The following WDR37 variants were observed in gnomAD, a reference collection of about 807,000 sequenced individuals.
WDR37 encodes WD repeat domain 37.
In WDR37, 19 loss-of-function variants were observed where a neutral mutation model predicts 62.9. That is an observed-to-expected ratio of 0.30 (90% CI 0.21 to 0.44). The LOEUF is 0.44. Ranked by LOEUF, WDR37 falls within the 20% of genes least tolerant of loss-of-function variation. WDR37 has a pLI of 1.00. For synonymous variants in WDR37, 250 were observed against 260.9 expected (o/e 0.96, Z 0.40); for missense variants, 474 against 657.6 (o/e 0.72, Z 3.05).
intron 6 of WDR37, among the ~76,000 whole-genome samples, chr10:1,085,237 G>T (rs59784176): frequency 0.09 from 13,621 of 152,082 alleles, 1,214 homozygotes; most frequent in African/African-American, 0.24. Context: ...CTCCCAAAGT[G>T]TTGGGATTAC....
chr10:1,100,083 A>G (rs1393899493), intron 9 of WDR37, among the ~76,000 whole-genome samples: 1 of 152,278 alleles, frequency 6.6e-6, no homozygotes, highest in Non-Finnish European at 1.5e-5. Context: ...GGGAAGATTC[A>G]TGTCCAGTAC....
intron 9 of WDR37, among the ~76,000 whole-genome samples, chr10:1,097,865 C>G (rs1834642641): frequency 6.6e-6 from 1 of 152,280 alleles, no homozygotes; most frequent in East Asian, 1.9e-4. Context: ...GAACATGTAA[C>G]TTGTTTGGGT....
intron 3 of WDR37, 52 bp from the exon 4 acceptor site, chr10:1,079,959 C>A: frequency 6.6e-7 from 1 of 1,525,768 alleles, no homozygotes; most frequent in Non-Finnish European, 9.0e-7. Flanking sequence ...GTGGTGAGTA[C>A]ACTTAAACAT....
At chr10:1,057,793 C>T (rs939159434) in intron 1 of WDR37, among the ~76,000 whole-genome samples, 1 of 152,142 alleles carries the variant, frequency 6.6e-6, no homozygotes, top group Non-Finnish European at 1.5e-5. Context: ...GAAGCGGATA[C>T]CATTATAGAA....
At chr10:1,060,794 C>G (rs1023501731) in intron 1 of WDR37, among the ~76,000 whole-genome samples, 1 of 152,192 alleles carries the variant, frequency 6.6e-6, no homozygotes, top group African/African-American at 2.4e-5. Flanking sequence ...TTGTAATACT[C>G]TATTTTTACT....
Position 1,105,135 on chromosome 10 carries a change from A to G in WDR37, c.971A>G (p.Gln324Arg). The stretch of plus-strand genomic sequence containing the variant: ...GCCATCTTGGTTACAGGGCACGACC[A>G]GGAGTTGACGCACTGCTGCACACAC... ...ELVHSLTGHD[Q>R]ELTHCCTHPT... is the part of the protein sequence containing the mutation. The change falls in exon 11 of 14, where the codon CAG becomes CGG. Residue 324 changes from glutamine (Q) to arginine (R), a missense_variant. Gln to Arg is a conservative substitution (Grantham distance 43). Coordinates refer to ENST00000263150, the MANE Select transcript of WDR37 (RefSeq NM_014023.4). The surrounding 1 kb of genome is among the most constrained non-coding windows in gnomAD (Gnocchi z 5.3). The G allele has an allele frequency of 2.5e-6, 4 of 1,614,058 alleles. No individual in the cohort carries two copies. The highest frequency in any genetic ancestry group is 3.4e-6 in the Non-Finnish European group (4 of 1,179,952).
intron 11 of WDR37, among the ~76,000 whole-genome samples, chr10:1,107,046 A>C (rs1379393426): frequency 1.3e-5 from 2 of 152,150 alleles, no homozygotes; most frequent in African/African-American, 2.4e-5. Context: ...CCCGGTGGTC[A>C]GTGGCTGAAC....
At chr10:1,080,692 G>C (rs928121160) in intron 5 of WDR37, among the ~76,000 whole-genome samples, 3 of 152,154 alleles carry the variant, frequency 2.0e-5, no homozygotes, top group African/African-American at 7.2e-5. Flanking sequence ...GATCACTTGA[G>C]GTCAGGAGTT....
intron 7 of WDR37, among the ~76,000 whole-genome samples, chr10:1,093,236 C>T (rs1265958359): frequency 6.6e-6 from 1 of 152,056 alleles, no homozygotes; most frequent in Non-Finnish European, 1.5e-5. Flanking sequence ...TCCTGGGGTC[C>T]TAAACTATAG....
intron 7 of WDR37, among the ~76,000 whole-genome samples, chr10:1,092,229 G>A (rs1445729025): frequency 1.3e-5 from 2 of 151,406 alleles, no homozygotes; most frequent in East Asian, 2.0e-4. Flanking sequence ...ACCTCTGGCT[G>A]GGTGCGGTGG....
At chr10:1,084,356 A>C in intron 5 of WDR37, 47 bp from the exon 6 acceptor site, 1 of 1,589,210 alleles carries the variant, frequency 6.3e-7, no homozygotes, top group Non-Finnish European at 8.6e-7. Flanking sequence ...ACTTAGAAAA[A>C]TTTACTTCAG....
chr10:1,126,309 G>A (rs7101147), intron 13 of WDR37, among the ~76,000 whole-genome samples: 114,436 of 149,850 alleles, frequency 0.76, 43,833 homozygotes, highest in Non-Finnish European at 0.8. Flanking sequence ...GGGAGGCTGA[G>A]GCAGGAGAAT....
chr10:1,066,406 T>A (rs11250247), intron 1 of WDR37, among the ~76,000 whole-genome samples: 29 of 152,170 alleles, frequency 1.9e-4, no homozygotes, highest in South Asian at 6.2e-4. Context: ...GTGAGCCACC[T>A]CGCCCAGCCC....
rs1000568216 is a variant in WDR37 at position 1,131,516 on chromosome 10, C to T, written c.*2172C>T. The T allele has an allele frequency of 2.9e-4, 44 of 152,418 alleles. No individual in the cohort carries two copies. The highest frequency in any genetic ancestry group is 9.9e-4 in the African/African-American group (41 of 41,580). 9.4% of individuals were successfully genotyped at this position (152,418 alleles called of 1,614,324 possible). ...CTTGTCTGGCAAACTGGAGGGACCT[C>T]AGAAACTGGACTCCTGCATGTCCTT... On this transcript the variant is annotated 3_prime_UTR_variant, in exon 14 of 14. Transcript: ENST00000263150.
chr10:1,073,776 CAG>C (rs562624533), intron 2 of WDR37, among the ~76,000 whole-genome samples: 27 of 152,348 alleles, frequency 1.8e-4, no homozygotes, highest in African/African-American at 6.0e-4. Context: ...TGTGTCCTCA[CAG>C]AGTTGTCCCT....
intron 13 of WDR37, among the ~76,000 whole-genome samples, chr10:1,126,844 A>G (rs1231616124): frequency 6.6e-6 from 1 of 152,230 alleles, no homozygotes; most frequent in Non-Finnish European, 1.5e-5. Context: ...CCTTCCTGGC[A>G]TGAGAGTGCA....
At chr10:1,084,958 A>G (rs553929118) in intron 6 of WDR37, among the ~76,000 whole-genome samples, 2 of 152,250 alleles carry the variant, frequency 1.3e-5, no homozygotes, top group South Asian at 4.1e-4. Context: ...TATTCCAATT[A>G]TTTGTTTTCT....
At position 1,096,254 on chromosome 10, in the gene WDR37, C is replaced by T. The variant is rs375864539; in HGVS notation, c.726+8C>T. ...CCTGTTGCTGACACTAGTGTAAGCA[C>T]CTTTCCTTACCTGTGAATGTGTAGG... On this transcript the variant is annotated splice_region_variant and intron_variant, in intron 9 of 13. Coordinates refer to ENST00000263150, the MANE Select transcript of WDR37 (RefSeq NM_014023.4). 2 of 1,613,378 alleles carry T rather than the reference C, an allele frequency of 1.2e-6. No individual in the cohort carries two copies. The highest frequency in any genetic ancestry group is 1.3e-5 in the African/African-American group (1 of 74,926).
chr10:1,123,546 T>A (rs1835651645), intron 11 of WDR37, among the ~76,000 whole-genome samples: 1 of 152,188 alleles, frequency 6.6e-6, no homozygotes, highest in Non-Finnish European at 1.5e-5. Flanking sequence ...GAGTTTCTTT[T>A]TTTACGACTG....
Sources: allele counts gnomAD v4.1 joint callset (sites outside exome capture counted in the v4.1 genomes callset), GRCh38; gene constraint gnomAD v4.1.1; non-coding constraint Gnocchi (gnomAD v3.1); transcripts MANE v1.5; gene names NCBI Gene and HGNC (gene_info 2026-07-23, HGNC 2026-07-21).